The following SMIM36 variants were observed in gnomAD, a reference collection of about 807,000 sequenced individuals.
SMIM36 encodes the protein small integral membrane protein 36.
chr17:55,528,713 C>T, the SMIM36 span, among the ~76,000 whole-genome samples: 9 of 151,902 alleles, frequency 5.9e-5, no homozygotes, highest in Non-Finnish European at 1.5e-5. Context: ...CCACACCTGG[C>T]TAATTTTTGT....
intron 1 of SMIM36, among the ~76,000 whole-genome samples, chr17:55,490,769 T>C (rs1909687907): frequency 6.6e-6 from 1 of 152,142 alleles, no homozygotes. Context: ...GAGAAAAAGG[T>C]GTCAACTTGT....
chr17:55,483,816 G>C (rs560872533), intron 1 of SMIM36, among the ~76,000 whole-genome samples: 2 of 152,176 alleles, frequency 1.3e-5, no homozygotes, highest in Admixed American at 1.3e-4. Context: ...GTAGAGATGG[G>C]TTTCACCACA....
chr17:55,456,116 CAAAAAAAAAAAAAA>C (rs10546288), intron 4 of SMIM36, among the ~76,000 whole-genome samples: 3 of 39,500 alleles, frequency 7.6e-5, no homozygotes, highest in Non-Finnish European at 9.2e-5. Flanking sequence ...AAAACTGTCT[CAAAAAAAAAAAAAA>C]AAAAAAAAAA....
At chr17:55,454,478 C>G (rs369447604) in intron 4 of SMIM36, among the ~76,000 whole-genome samples, 1 of 152,070 alleles carries the variant, frequency 6.6e-6, no homozygotes, top group African/African-American at 2.4e-5. Flanking sequence ...AAGGATCACA[C>G]GTTATTTTTT....
chr17:55,495,219 T>C lies in SMIM36; in HGVS notation c.*175-15639A>G, dbSNP rs142149927. Among the ~76,000 whole-genome samples the C allele has an allele frequency of 1.7e-3, 265 of 152,270 alleles. 2 individuals carry two copies. The highest frequency in any genetic ancestry group is 6.0e-3 in the African/African-American group (249 of 41,550). On this transcript the variant is annotated intron_variant, in intron 1 of 4. Coordinates refer to ENST00000636752, the Ensembl canonical transcript of SMIM36. ...TGCTATACAAGCAACAAAATTGGAG[T>C]ACACAGAACTGAGAATAACATTATG...
At chr17:55,469,958 G>A (rs1567864407) in intron 3 of SMIM36, among the ~76,000 whole-genome samples, 1 of 150,710 alleles carries the variant, frequency 6.6e-6, no homozygotes, top group Non-Finnish European at 1.5e-5. Flanking sequence ...CTCCAGCCTG[G>A]GCGACTGGAG....
intron 3 of SMIM36, among the ~76,000 whole-genome samples, chr17:55,471,995 C>T (rs1465871869): frequency 6.6e-6 from 1 of 152,220 alleles, no homozygotes; most frequent in Non-Finnish European, 1.5e-5. Context: ...TTGTCTGCCC[C>T]TCGACTCCTC....
intron 4 of SMIM36, among the ~76,000 whole-genome samples, chr17:55,465,233 A>AT (rs1183542997): frequency 6.6e-6 from 1 of 152,216 alleles, no homozygotes; most frequent in Non-Finnish European, 1.5e-5. Flanking sequence ...TAATAATATC[A>AT]TTTTGGAGTC....
chr17:55,490,072 G>A (rs1436818485), intron 1 of SMIM36, among the ~76,000 whole-genome samples: 1 of 151,680 alleles, frequency 6.6e-6, no homozygotes, highest in Non-Finnish European at 1.5e-5. Flanking sequence ...AGCCAGGATG[G>A]GCTTGATCTC....
chr17:55,530,881 T>G, the SMIM36 span, among the ~76,000 whole-genome samples: 1 of 152,150 alleles, frequency 6.6e-6, no homozygotes, highest in African/African-American at 2.4e-5. Flanking sequence ...TGACAGGTTG[T>G]TTTTTTGACC....
At chr17:55,498,809 T>C (rs951987794) in intron 1 of SMIM36, among the ~76,000 whole-genome samples, 1 of 151,256 alleles carries the variant, frequency 6.6e-6, no homozygotes, top group African/African-American at 2.4e-5. Context: ...GATCAGCCTA[T>C]CCAACATGAC....
intron 1 of SMIM36, among the ~76,000 whole-genome samples, chr17:55,505,765 A>G (rs1157775408): frequency 8.5e-6 from 1 of 117,612 alleles, no homozygotes; most frequent in Non-Finnish European, 1.6e-5. Context: ...GTATTCAATT[A>G]GGAAAAGAGC....
intron 4 of SMIM36, among the ~76,000 whole-genome samples, chr17:55,454,731 C>G (rs1908985916): frequency 6.6e-6 from 1 of 152,164 alleles, no homozygotes; most frequent in African/African-American, 2.4e-5. Flanking sequence ...TAAACTTGCA[C>G]AGGCAAGTTT....
At chr17:55,454,703 TA>T (rs1297660116) in intron 4 of SMIM36, among the ~76,000 whole-genome samples, 1 of 152,200 alleles carries the variant, frequency 6.6e-6, no homozygotes, top group East Asian at 1.9e-4. Flanking sequence ...AATACATTTT[TA>T]GTGAAATAAA....
chr17:55,481,319 A>G (rs886492927), intron 1 of SMIM36, among the ~76,000 whole-genome samples: 9 of 152,240 alleles, frequency 5.9e-5, no homozygotes, highest in Non-Finnish European at 1.2e-4. Context: ...ACAGAACAAA[A>G]GTGGGCAAAA....
intron 4 of SMIM36, among the ~76,000 whole-genome samples, chr17:55,461,836 C>T (rs972013511): frequency 2.0e-5 from 3 of 152,106 alleles, no homozygotes; most frequent in South Asian, 4.1e-4. Flanking sequence ...TTAAATGTCT[C>T]CTTGAAATCA....
At chr17:55,460,040 T>A (rs902601585) in intron 4 of SMIM36, among the ~76,000 whole-genome samples, 1 of 152,158 alleles carries the variant, frequency 6.6e-6, no homozygotes, top group Admixed American at 6.5e-5. Context: ...ATTGTTACTA[T>A]GTATTATTAT....
At chr17:55,491,739 G>T (rs1267269973) in intron 1 of SMIM36, among the ~76,000 whole-genome samples, 1 of 152,160 alleles carries the variant, frequency 6.6e-6, no homozygotes, top group African/African-American at 2.4e-5. Flanking sequence ...AGCCTTTAAT[G>T]AGAAGACAAC....
chr17:55,532,100 T>C, the SMIM36 span, among the ~76,000 whole-genome samples: 1 of 152,260 alleles, frequency 6.6e-6, no homozygotes, highest in Non-Finnish European at 1.5e-5. Flanking sequence ...TGCCCCGTTA[T>C]GCTTCCTAAA....
Sources: allele counts gnomAD v4.1 joint callset (sites outside exome capture counted in the v4.1 genomes callset), GRCh38; gene constraint gnomAD v4.1.1; transcripts MANE v1.5; gene names NCBI Gene and HGNC (gene_info 2026-07-23, HGNC 2026-07-21).